DCAF8L2: variants seen among roughly 807,000 people sequenced by gnomAD.
The protein encoded by DCAF8L2 is DDB1- and CUL4-associated factor 8-like protein 2.
For missense variants in DCAF8L2, 430 were observed against 490.7 expected (o/e 0.88, Z 1.17); for synonymous variants, 200 against 190.9 (o/e 1.05, Z -0.39).
chrX:27,509,324 T>G, the DCAF8L2 span, among the ~76,000 whole-genome samples: 24,699 of 110,821 alleles, frequency 0.22, 2,588 homozygotes, highest in African/African-American at 0.39. Context: ...ATTATTAAAC[T>G]AAGTTCAGCA....
At chrX:27,548,786 T>A in the DCAF8L2 span, among the ~76,000 whole-genome samples, 4 of 111,955 alleles carry the variant, frequency 3.6e-5, no homozygotes, top group Non-Finnish European at 7.5e-5. Context: ...TGTCATTTCA[T>A]CTAGGTTGAA....
intron 3 of DCAF8L2, among the ~76,000 whole-genome samples, chrX:27,705,137 A>T (rs761604519): frequency 9.0e-6 from 1 of 111,275 alleles, no homozygotes; most frequent in South Asian, 3.8e-4. Flanking sequence ...AGATGATCTC[A>T]TTCTTTTTCA....
At chrX:27,669,445 C>CTTATTTATTTAT (rs200113430) in intron 2 of DCAF8L2, among the ~76,000 whole-genome samples, 2 of 106,356 alleles carry the variant, frequency 1.9e-5, no homozygotes, top group African/African-American at 7.1e-5. Flanking sequence ...CCCAATATTT[C>CTTATTTATTTAT]TTATTTATTC....
intron 1 of DCAF8L2, among the ~76,000 whole-genome samples, chrX:27,591,014 T>TATATATATATATATATATATAA (rs201564902): frequency 5.2e-5 from 5 of 96,796 alleles, no homozygotes; most frequent in East Asian, 3.3e-4. Flanking sequence ...TATATATATA[T>TATATATATATATATATATATAA]AAATAAATAA....
At chrX:27,729,005 G>T (rs948383137) in intron 4 of DCAF8L2, among the ~76,000 whole-genome samples, 1 of 111,382 alleles carries the variant, frequency 9.0e-6, no homozygotes, top group African/African-American at 3.3e-5. Flanking sequence ...TAAGAGGAAA[G>T]GACATCCCTC....
At chrX:27,611,093 A>G (rs1927140521) in intron 1 of DCAF8L2, among the ~76,000 whole-genome samples, 1 of 111,452 alleles carries the variant, frequency 9.0e-6, no homozygotes, top group African/African-American at 3.3e-5. Flanking sequence ...GGACTGTCTG[A>G]ACATTGATTC....
intron 3 of DCAF8L2, among the ~76,000 whole-genome samples, chrX:27,704,433 TA>T (rs1931271125): frequency 1.8e-5 from 2 of 109,175 alleles, no homozygotes; most frequent in Non-Finnish European, 3.8e-5. Context: ...AAACATAGTG[TA>T]TTATCTCACC....
At chrX:27,561,290 T>G in the DCAF8L2 span, among the ~76,000 whole-genome samples, 2 of 112,093 alleles carry the variant, frequency 1.8e-5, no homozygotes, top group South Asian at 3.8e-4. Context: ...GGCTTTTAAT[T>G]CTGTTACTTG....
At chrX:27,619,033 A>ATCTG (rs1344283483) in intron 1 of DCAF8L2, among the ~76,000 whole-genome samples, 2 of 109,416 alleles carry the variant, frequency 1.8e-5, no homozygotes, top group East Asian at 2.9e-4. Context: ...CTATCTATCT[A>ATCTG]TCTATCTATC....
intron 4 of DCAF8L2, among the ~76,000 whole-genome samples, chrX:27,746,617 C>T (rs1356786380): frequency 9.0e-6 from 1 of 111,709 alleles, no homozygotes; most frequent in Non-Finnish European, 1.9e-5. Flanking sequence ...AGATGCCTGT[C>T]GGGGTGGGGC....
intron 3 of DCAF8L2, among the ~76,000 whole-genome samples, chrX:27,699,730 A>G (rs1461762706): frequency 9.0e-6 from 1 of 111,634 alleles, no homozygotes; most frequent in African/African-American, 3.3e-5. Context: ...GGTTAAGCAG[A>G]TAAGGGCCAA....
chrX:27,725,164 A>G (rs1272146539), intron 4 of DCAF8L2, among the ~76,000 whole-genome samples: 1 of 111,091 alleles, frequency 9.0e-6, no homozygotes, highest in Non-Finnish European at 1.9e-5. Context: ...TCCATCCACA[A>G]GAGAAAACTA....
At chrX:27,686,958 A>T (rs1930533009) in intron 3 of DCAF8L2, among the ~76,000 whole-genome samples, 1 of 111,999 alleles carries the variant, frequency 8.9e-6, no homozygotes, top group African/African-American at 3.2e-5. Flanking sequence ...CTTCTATGAG[A>T]ATCTAATGCT....
chrX:27,492,353 A>G, the DCAF8L2 span, among the ~76,000 whole-genome samples: 2 of 112,267 alleles, frequency 1.8e-5, no homozygotes, highest in African/African-American at 6.5e-5. Flanking sequence ...ACTATTACAT[A>G]TAATTCTTCT....
chrX:27,571,960 G>A, the DCAF8L2 span, among the ~76,000 whole-genome samples: 1 of 111,678 alleles, frequency 9.0e-6, no homozygotes, highest in Admixed American at 9.6e-5. Context: ...GGTCATATCA[G>A]TGCTATGTAG....
intron 3 of DCAF8L2, among the ~76,000 whole-genome samples, chrX:27,687,282 C>T (rs1198508580): frequency 8.9e-6 from 1 of 111,855 alleles, no homozygotes; most frequent in African/African-American, 3.3e-5. Context: ...TATCAAAGTT[C>T]TGGATCACAT....
the DCAF8L2 span, among the ~76,000 whole-genome samples, chrX:27,491,813 C>G: frequency 1.8e-5 from 2 of 111,429 alleles, no homozygotes. Flanking sequence ...CCAAATACTT[C>G]TCTTCTTTTT....
At chrX:27,668,230 A>G (rs907850484) in intron 2 of DCAF8L2, among the ~76,000 whole-genome samples, 5 of 111,886 alleles carry the variant, frequency 4.5e-5, no homozygotes, top group Non-Finnish European at 9.4e-5. Context: ...TCCTACATAC[A>G]TCCTGCCAGC....
intron 3 of DCAF8L2, among the ~76,000 whole-genome samples, chrX:27,695,233 G>A (rs1261594555): frequency 8.9e-6 from 1 of 111,993 alleles, no homozygotes; most frequent in Non-Finnish European, 1.9e-5. Flanking sequence ...ACCATTCTGT[G>A]TTCTGTTAAG....
Sources: allele counts gnomAD v4.1 joint callset (sites outside exome capture counted in the v4.1 genomes callset), GRCh38; gene constraint gnomAD v4.1.1; transcripts MANE v1.5; gene names NCBI Gene and HGNC (gene_info 2026-07-23, HGNC 2026-07-21).